The following RAD51B variants were observed in gnomAD, a reference collection of about 807,000 sequenced individuals.
RAD51B encodes the protein RAD51 paralog B.
In RAD51B, 38 loss-of-function variants were observed where a neutral mutation model predicts 42.2. The observed-to-expected ratio is 0.90, with a 90% CI of 0.70 to 1.18. The LOEUF (loss-of-function observed/expected upper bound fraction) is 1.18. Ranked by LOEUF, RAD51B falls within the 50% of genes most tolerant of loss-of-function variation. RAD51B has a pLI of 0.00. For missense variants in RAD51B, 373 were observed against 400.7 expected, an observed-to-expected ratio of 0.93 and a Z score of 0.59; for synonymous variants, 154 against 145.2, an observed-to-expected ratio of 1.06 and a Z score of -0.43.
At chr14:67,829,783 T>C (rs2140287692) in intron 3 of RAD51B, among the ~76,000 whole-genome samples, 1 of 152,326 alleles carries the variant, frequency 6.6e-6, no homozygotes, top group East Asian at 1.9e-4. Flanking sequence ...AGCCCTCTTG[T>C]AGTTTACAGT....
chr14:67,886,159 C>CA (rs1049775529), intron 6 of RAD51B, among the ~76,000 whole-genome samples, 171 bp downstream of exon 6: 4 of 151,726 alleles, frequency 2.6e-5, no homozygotes, highest in Non-Finnish European at 4.4e-5. Context: ...TCTTGAAAAA[C>CA]AAAAAAAATT....
At chr14:68,042,045 A>G (rs956926225) in intron 7 of RAD51B, among the ~76,000 whole-genome samples, 3 of 152,198 alleles carry the variant, frequency 2.0e-5, no homozygotes, top group Non-Finnish European at 4.4e-5. Context: ...GTAGCTGGCT[A>G]TAGATTCTGA....
intron 8 of RAD51B, among the ~76,000 whole-genome samples, chr14:68,336,106 C>T (rs79471181): frequency 3.9e-5 from 6 of 152,100 alleles, no homozygotes; most frequent in African/African-American, 9.6e-5. Flanking sequence ...AGAGGTTATT[C>T]GGAGAGTTAA....
At chr14:68,235,952 A>T (rs2080247638) in intron 7 of RAD51B, among the ~76,000 whole-genome samples, 1 of 152,168 alleles carries the variant, frequency 6.6e-6, no homozygotes, top group Non-Finnish European at 1.5e-5. Context: ...GAACTAACAC[A>T]TGAACAGAAA....
exon 11 of RAD51B, chr14:68,595,094 A>G: frequency 9.4e-7 from 1 of 1,067,152 alleles, no homozygotes; most frequent in Non-Finnish European, 1.1e-6. Context: ...CTCTGCCTAG[A>G]TGAACCACAG....
intron 4 of RAD51B, among the ~76,000 whole-genome samples, chr14:67,852,777 A>G (rs1323228347): frequency 7.0e-6 from 1 of 142,342 alleles, no homozygotes; most frequent in East Asian, 1.9e-4. Flanking sequence ...GCATGTGTGT[A>G]TGTGTATAAT....
intron 7 of RAD51B, among the ~76,000 whole-genome samples, chr14:68,184,415 T>C (rs2079114907): frequency 6.6e-6 from 1 of 151,918 alleles, no homozygotes; most frequent in Admixed American, 6.6e-5. Flanking sequence ...TTTTGTATTC[T>C]TTTTTCTTTT....
chr14:68,227,392 C>T (rs1269421220), intron 7 of RAD51B, among the ~76,000 whole-genome samples: 2 of 152,152 alleles, frequency 1.3e-5, no homozygotes, highest in African/African-American at 2.4e-5. Context: ...ATCCTACTTT[C>T]CCACATACCA....
chr14:68,479,657 TC>T (rs1883008152), downstream of RAD51B, among the ~76,000 whole-genome samples: 1 of 145,772 alleles, frequency 6.9e-6, no homozygotes, highest in Non-Finnish European at 1.5e-5. Context: ...TGGTCTTTCT[TC>T]TTATTCTTCT....
chr14:67,983,810 TGGCCTGTGCTGAAAATTGTTA>T (rs144261382), intron 7 of RAD51B, among the ~76,000 whole-genome samples: 10,420 of 152,164 alleles, frequency 0.068, 864 homozygotes, highest in African/African-American at 0.2. Flanking sequence ...GGCAAATAAG[TGGCCTGTGCTGAAAATTGTTA>T]GGCATATCTC....
exon 11 of RAD51B, chr14:68,595,259 T>A (rs1324483079): frequency 1.9e-6 from 2 of 1,059,666 alleles, no homozygotes; most frequent in Non-Finnish European, 2.3e-6. Flanking sequence ...ATGCTTCCAG[T>A]TGCTTCTACA....
intron 10 of RAD51B, among the ~76,000 whole-genome samples, chr14:68,593,368 C>A (rs947784313): frequency 6.6e-5 from 10 of 152,230 alleles, no homozygotes; most frequent in African/African-American, 2.2e-4. Context: ...CTCTGGTGGG[C>A]TCTCAAGCTC....
intron 7 of RAD51B, among the ~76,000 whole-genome samples, chr14:68,156,801 G>A (rs916828093): frequency 5.9e-5 from 9 of 151,996 alleles, no homozygotes; most frequent in Non-Finnish European, 1.5e-5. Flanking sequence ...TCTTTTGGCA[G>A]AATTTTGAAC....
Position 67,835,150 on chromosome 14 carries a change from T to C in RAD51B, c.269T>C (p.Leu90Ser). Residue 90 changes from leucine (L) to serine (S), a missense_variant, in exon 4 of 11, where the codon TTG becomes TCG. Physicochemically the swap from Leu to Ser is moderately radical, Grantham distance 145. Coordinates refer to ENST00000471583, the MANE Select transcript of RAD51B (RefSeq NM_133510.4). ...TTCTTATCTACTACCCTTTCTGCTT[T>C]GGACGAAGCCCTGCATGGTGGTGTG... ...PAFLSTTLSA[L>S]DEALHGGVAC... The C allele has an allele frequency of 6.2e-7, 1 of 1,614,162 alleles. No homozygotes were observed. The highest frequency in any genetic ancestry group is 8.5e-7 in the Non-Finnish European group (1 of 1,180,000).
chr14:68,345,197 T>C (rs2082654210), intron 8 of RAD51B, among the ~76,000 whole-genome samples: 1 of 152,144 alleles, frequency 6.6e-6, no homozygotes, highest in African/African-American at 2.4e-5. Flanking sequence ...TGAGTTGGAA[T>C]TGGAACAAAT....
intron 10 of RAD51B, among the ~76,000 whole-genome samples, chr14:68,496,622 C>A (rs1381726165): frequency 2.0e-5 from 3 of 152,262 alleles, no homozygotes; most frequent in Non-Finnish European, 4.4e-5. Context: ...TGCAGCAAGG[C>A]AGGGATGGGG....
At chr14:68,504,184 C>T (rs1885118935) in intron 10 of RAD51B, among the ~76,000 whole-genome samples, 1 of 152,152 alleles carries the variant, frequency 6.6e-6, no homozygotes, top group Non-Finnish European at 1.5e-5. Context: ...GGCGCAATGA[C>T]TCTCCAGGCC....
intron 7 of RAD51B, among the ~76,000 whole-genome samples, chr14:68,257,458 T>G (rs1022180339): frequency 6.6e-6 from 1 of 152,138 alleles, no homozygotes; most frequent in Non-Finnish European, 1.5e-5. Context: ...TCCTTCAGTG[T>G]CTAAAAATGG....
chr14:68,425,948 C>CTTTCTTTCTT (rs2084823898), intron 9 of RAD51B, among the ~76,000 whole-genome samples: 2 of 88,866 alleles, frequency 2.3e-5, no homozygotes, highest in Admixed American at 1.4e-4. Flanking sequence ...TTCTTTCTTT[C>CTTTCTTTCTT]TTTCTTTCTT....
Sources: gnomAD v4.1 joint callset for allele counts (sites outside exome capture counted in the v4.1 genomes callset) on GRCh38, gnomAD v4.1.1 for gene constraint, MANE v1.5 for transcripts, NCBI Gene and HGNC (gene_info 2026-07-23, HGNC 2026-07-21) for gene names.